FRMPD4: variants seen among roughly 807,000 people sequenced by gnomAD.
FRMPD4 encodes FERM and PDZ domain-containing protein 4.
A neutral mutation model predicts 94.1 loss-of-function variants in FRMPD4; 22 were observed. The observed-to-expected ratio is 0.23, with a 90% CI of 0.17 to 0.33. The LOEUF is 0.33. Among genes scored for constraint, FRMPD4 ranks in the 10% least tolerant of loss-of-function variants. FRMPD4 has a pLI of 1.00. For missense variants in FRMPD4, 1,111 were observed against 1,339.9 expected, an observed-to-expected ratio of 0.83 and a Z score of 2.67; for synonymous variants, 631 against 548.6, an observed-to-expected ratio of 1.15 and a Z score of -2.10.
intron 10 of FRMPD4, among the ~76,000 whole-genome samples, chrX:12,702,673 G>C (rs1459479894): frequency 8.9e-6 from 1 of 112,557 alleles, no homozygotes; most frequent in Non-Finnish European, 1.9e-5. Context: ...GGGCAAAATG[G>C]CTTTTCTCAA....
intron 3 of FRMPD4, among the ~76,000 whole-genome samples, chrX:12,085,750 T>C (rs760132679): frequency 9.1e-6 from 1 of 109,802 alleles, no homozygotes; most frequent in South Asian, 4.0e-4. Context: ...GCACCTGTAG[T>C]CCCAGCTATT....
intron 3 of FRMPD4, among the ~76,000 whole-genome samples, chrX:12,117,196 A>C (rs1379101506): frequency 1.8e-5 from 2 of 111,825 alleles, no homozygotes; most frequent in Non-Finnish European, 3.8e-5. Flanking sequence ...TCTTGGGCAA[A>C]CACTTTTGTC....
intron 2 of FRMPD4, among the ~76,000 whole-genome samples, chrX:12,555,283 T>C (rs2058583853): frequency 9.0e-6 from 1 of 111,470 alleles, no homozygotes; most frequent in Non-Finnish European, 1.9e-5. Context: ...CCTGCGTCTT[T>C]TCTACTGTGT....
chrX:11,934,654 T>C (rs1182183444), intron 3 of FRMPD4, among the ~76,000 whole-genome samples: 1 of 112,284 alleles, frequency 8.9e-6, no homozygotes, highest in African/African-American at 3.2e-5. Context: ...AAACAATTAC[T>C]TGTTTATAAT....
chrX:11,843,546 TCTTTC>T (rs2053552927), intron 1 of FRMPD4, among the ~76,000 whole-genome samples: 1 of 111,058 alleles, frequency 9.0e-6, no homozygotes, highest in African/African-American at 3.3e-5. Context: ...TTTCCTTCCT[TCTTTC>T]CTTTCTTTTC....
At chrX:12,055,876 A>G (rs1467999528) in intron 3 of FRMPD4, among the ~76,000 whole-genome samples, 1 of 111,736 alleles carries the variant, frequency 8.9e-6, no homozygotes, top group Non-Finnish European at 1.9e-5. Flanking sequence ...ATTAGAAATG[A>G]GACACTTAAA....
chrX:12,145,415 C>T (rs1396505753), intron 1 of FRMPD4, among the ~76,000 whole-genome samples: 1 of 112,062 alleles, frequency 8.9e-6, no homozygotes, highest in Non-Finnish European at 1.9e-5. Flanking sequence ...CGGTCTTTAC[C>T]CTAGTACAGG....
chrX:11,930,907 T>C (rs2054119357), intron 3 of FRMPD4, among the ~76,000 whole-genome samples: 1 of 110,677 alleles, frequency 9.0e-6, no homozygotes, highest in Non-Finnish European at 1.9e-5. Context: ...TGATGAGTTG[T>C]TGGTGAGTCT....
intron 1 of FRMPD4, among the ~76,000 whole-genome samples, chrX:12,209,399 A>G: frequency 8.9e-6 from 1 of 112,751 alleles, no homozygotes; most frequent in Middle Eastern, 4.6e-3. Context: ...CATAAAAGAA[A>G]TGACTTTACA....
chrX:12,622,015 A>AAAGGAAGGAAGGAAGG (rs1398023082), intron 4 of FRMPD4, among the ~76,000 whole-genome samples: 7 of 22,006 alleles, frequency 3.2e-4, no homozygotes, highest in Admixed American at 5.2e-4. Flanking sequence ...AGAAAGAAAG[A>AAAGGAAGGAAGGAAGG]AAGGAAGGAA....
At chrX:12,305,409 C>A (rs895017793) in intron 1 of FRMPD4, among the ~76,000 whole-genome samples, 1 of 111,736 alleles carries the variant, frequency 8.9e-6, no homozygotes, top group Non-Finnish European at 1.9e-5. Flanking sequence ...ACATACTGAC[C>A]AGGGAAGCAT....
intron 2 of FRMPD4, among the ~76,000 whole-genome samples, chrX:12,603,980 T>A (rs1032069805): frequency 1.8e-5 from 2 of 110,057 alleles, no homozygotes; most frequent in East Asian, 2.8e-4. Context: ...AGAGAGAAGA[T>A]GAGAATGCCA....
chrX:12,224,776 G>A (rs1354020574), intron 1 of FRMPD4, among the ~76,000 whole-genome samples: 1 of 111,415 alleles, frequency 9.0e-6, no homozygotes, highest in African/African-American at 3.3e-5. Context: ...GTGTGCTCCT[G>A]TTGGTACAGT....
At chrX:12,325,755 C>G (rs1478727383) in intron 1 of FRMPD4, among the ~76,000 whole-genome samples, 1 of 112,254 alleles carries the variant, frequency 8.9e-6, no homozygotes, top group Admixed American at 9.4e-5. Context: ...CCACCTCAGA[C>G]ATACTGAAGT....
chrX:11,897,381 A>G (rs1310321731), intron 3 of FRMPD4, among the ~76,000 whole-genome samples: 1 of 111,038 alleles, frequency 9.0e-6, no homozygotes, highest in African/African-American at 3.3e-5. Context: ...ATACTGATAT[A>G]TTTACGAATA....
At chrX:12,498,054 G>T (rs1397452957) in intron 1 of FRMPD4, among the ~76,000 whole-genome samples, 1 of 110,970 alleles carries the variant, frequency 9.0e-6, no homozygotes, top group Non-Finnish European at 1.9e-5. Flanking sequence ...AAGGGCTCAC[G>T]GGTAGCTGAG....
chrX:12,161,316 A>T (rs1433057185), intron 1 of FRMPD4, among the ~76,000 whole-genome samples: 1 of 111,056 alleles, frequency 9.0e-6, no homozygotes, highest in Non-Finnish European at 1.9e-5. Flanking sequence ...GCACCACCAC[A>T]CTGGGCTAAT....
At chrX:12,331,093 A>G (rs1420627470) in intron 1 of FRMPD4, among the ~76,000 whole-genome samples, 1 of 111,699 alleles carries the variant, frequency 9.0e-6, no homozygotes, top group Non-Finnish European at 1.9e-5. Context: ...TCTGCATTCC[A>G]GTAGAATTTT....
intron 3 of FRMPD4, among the ~76,000 whole-genome samples, chrX:11,926,082 A>C (rs1601842288): frequency 1.8e-5 from 2 of 110,599 alleles, no homozygotes; most frequent in Middle Eastern, 9.2e-3. Context: ...CTGAAATACA[A>C]ACAACCATCA....
Sources: gnomAD v4.1 joint callset for allele counts (sites outside exome capture counted in the v4.1 genomes callset) on GRCh38, gnomAD v4.1.1 for gene constraint, MANE v1.5 for transcripts, NCBI Gene and HGNC (gene_info 2026-07-23, HGNC 2026-07-21) for gene names.